The following SPOCK1 variants were observed in gnomAD, a reference collection of about 807,000 sequenced individuals.
SPOCK1 encodes the protein SPARC (osteonectin), cwcv and kazal like domains proteoglycan 1.
Under a neutral mutation model 55.3 loss-of-function variants are expected in SPOCK1, and 23 were observed. The observed-to-expected ratio is 0.42, with a 90% CI of 0.30 to 0.59. The LOEUF is 0.59. Among genes scored for constraint, SPOCK1 ranks in the 20% least tolerant of loss-of-function variants. SPOCK1 has a pLI of 0.22. For missense variants in SPOCK1, 499 were observed against 552.5 expected (o/e 0.90, Z 0.97); for synonymous variants, 226 against 221.0 (o/e 1.02, Z -0.20).
In SPOCK1 at chr5:137,211,184, A is replaced by G. The variant is rs150483070; in HGVS notation, c.232+55826T>C. Reference sequence around the variant, plus strand: ...GGGAGGTAAAGAAACACAGTTCCACAGTCTAGCTCCTACTATCCTGGATCC... The same window carrying G: ...GGGAGGTAAAGAAACACAGTTCCACGGTCTAGCTCCTACTATCCTGGATCC... On this transcript the variant is annotated intron_variant, in intron 3 of 10. Transcript: ENST00000394945. 1.8e-4 allele frequency among the ~76,000 whole-genome samples: 27 copies of G among 152,358 alleles called. No homozygotes were observed. The East Asian group carries it at 5.0e-3, about 28-fold the overall frequency.
At chr5:137,227,398 A>G (rs546543745) in intron 3 of SPOCK1, among the ~76,000 whole-genome samples, 1 of 152,360 alleles carries the variant, frequency 6.6e-6, no homozygotes, top group African/African-American at 2.4e-5. Context: ...CTGCTTACAA[A>G]AAAGAAATTT....
chr5:137,418,511 A>G (rs527502302), intron 2 of SPOCK1, among the ~76,000 whole-genome samples: 1 of 152,074 alleles, frequency 6.6e-6, no homozygotes, highest in South Asian at 2.1e-4. Flanking sequence ...CTGGTGTGAG[A>G]TGGTATCTCA....
At chr5:137,262,648 C>A (rs1202522359) in intron 3 of SPOCK1, among the ~76,000 whole-genome samples, 1 of 152,232 alleles carries the variant, frequency 6.6e-6, no homozygotes, top group Non-Finnish European at 1.5e-5. Flanking sequence ...GGAATGAACA[C>A]ATTAAGAGCC....
At chr5:137,484,927 G>C (rs916679525) in intron 2 of SPOCK1, among the ~76,000 whole-genome samples, 3 of 151,946 alleles carry the variant, frequency 2.0e-5, no homozygotes, top group African/African-American at 7.3e-5. Flanking sequence ...GAAAAAAGAC[G>C]CGCCAAATCA....
chr5:137,059,772 C>T (rs989270748), intron 6 of SPOCK1, among the ~76,000 whole-genome samples: 15 of 152,158 alleles, frequency 9.9e-5, no homozygotes, highest in Non-Finnish European at 1.9e-4. Context: ...AAACAAACAA[C>T]TCCCTTAAAA....
intron 7 of SPOCK1, 85 bp downstream of exon 7, chr5:136,992,399 G>A (rs918498675): frequency 1.2e-4 from 120 of 973,248 alleles, no homozygotes; most frequent in Middle Eastern, 8.9e-4. Context: ...TAATGTAATG[G>A]GTGTTTTTCA....
intron 5 of SPOCK1, among the ~76,000 whole-genome samples, chr5:137,081,396 A>G (rs1752876041): frequency 6.6e-6 from 1 of 152,332 alleles, no homozygotes; most frequent in South Asian, 2.1e-4. Flanking sequence ...AAAAACAGAT[A>G]CTAGCTAAGC....
intron 6 of SPOCK1, among the ~76,000 whole-genome samples, chr5:137,030,380 T>C (rs1228149983): frequency 6.6e-6 from 1 of 152,210 alleles, no homozygotes; most frequent in Non-Finnish European, 1.5e-5. Context: ...GACTACGCCA[T>C]GGCAATTCGA....
chr5:137,462,050 G>C (rs1753499633), intron 2 of SPOCK1, among the ~76,000 whole-genome samples: 1 of 152,144 alleles, frequency 6.6e-6, no homozygotes, highest in Non-Finnish European at 1.5e-5. Context: ...ATGCTGAAGG[G>C]GTTAACGCCC....
At chr5:137,457,643 G>A (rs1478809775) in intron 2 of SPOCK1, among the ~76,000 whole-genome samples, 1 of 152,182 alleles carries the variant, frequency 6.6e-6, no homozygotes, top group African/African-American at 2.4e-5. Flanking sequence ...TTTTAAATCA[G>A]TAATTCAACT....
At chr5:137,463,569 CA>C (rs899022683) in intron 2 of SPOCK1, among the ~76,000 whole-genome samples, 7 of 144,916 alleles carry the variant, frequency 4.8e-5, no homozygotes, top group East Asian at 2.0e-4. Context: ...TTACTGGGTG[CA>C]AAAAAAAATA....
At chr5:137,303,561 G>C (rs17171343) in intron 2 of SPOCK1, among the ~76,000 whole-genome samples, 18,865 of 152,220 alleles carry the variant, frequency 0.12, 2,809 homozygotes, top group African/African-American at 0.36. Context: ...TCATAGCATG[G>C]TCAACCGATG....
intron 5 of SPOCK1, among the ~76,000 whole-genome samples, chr5:137,071,747 G>A (rs1752619088): frequency 6.6e-6 from 1 of 152,046 alleles, no homozygotes; most frequent in Non-Finnish European, 1.5e-5. Flanking sequence ...TCCCACAGAT[G>A]TTCTCTTCCC....
intron 4 of SPOCK1, among the ~76,000 whole-genome samples, chr5:137,112,892 T>C (rs1204023788): frequency 1.4e-5 from 2 of 144,930 alleles, no homozygotes; most frequent in South Asian, 2.2e-4. Flanking sequence ...TCAGCCCCAA[T>C]ACCGTATGTG....
intron 3 of SPOCK1, among the ~76,000 whole-genome samples, chr5:137,227,234 C>T (rs1755963457): frequency 6.6e-6 from 1 of 152,194 alleles, no homozygotes; most frequent in African/African-American, 2.4e-5. Flanking sequence ...CAATACTCCT[C>T]AAAGCATGGA....
intron 3 of SPOCK1, among the ~76,000 whole-genome samples, chr5:137,230,639 T>C (rs1341130997): frequency 6.6e-6 from 1 of 152,264 alleles, no homozygotes; most frequent in Non-Finnish European, 1.5e-5. Context: ...AGTCCTTTTC[T>C]ATATCCTTTT....
At chr5:137,386,644 TA>T (rs1406401591) in intron 2 of SPOCK1, among the ~76,000 whole-genome samples, 2 of 152,088 alleles carry the variant, frequency 1.3e-5, no homozygotes, top group South Asian at 2.1e-4. Context: ...TTACACCCTT[TA>T]AAAAAATTAA....
intron 5 of SPOCK1, among the ~76,000 whole-genome samples, chr5:137,082,373 C>T (rs1752889709): frequency 6.6e-6 from 1 of 152,122 alleles, no homozygotes; most frequent in African/African-American, 2.4e-5. Context: ...CAGCTACTTG[C>T]AACAAGCTAT....
At chr5:137,124,116 C>A (rs1394484431) in intron 4 of SPOCK1, among the ~76,000 whole-genome samples, 1 of 152,112 alleles carries the variant, frequency 6.6e-6, no homozygotes, top group Admixed American at 6.5e-5. Flanking sequence ...TTTCCACGTA[C>A]CACAAGACGA....
Sources: gnomAD v4.1 joint callset for allele counts (sites outside exome capture counted in the v4.1 genomes callset) on GRCh38, gnomAD v4.1.1 for gene constraint, MANE v1.5 for transcripts, NCBI Gene and HGNC (gene_info 2026-07-23, HGNC 2026-07-21) for gene names.